Variants in ABHD17C observed in about 807,000 individuals in gnomAD.
ABHD17C encodes the protein abhydrolase domain containing 17C, depalmitoylase.
In ABHD17C, 11 loss-of-function variants were observed where a neutral mutation model predicts 27.9. That is an observed-to-expected ratio of 0.39 (90% confidence interval 0.25 to 0.65). The LOEUF is 0.65. Ranked by LOEUF, ABHD17C falls within the 30% of genes least tolerant of loss-of-function variation. The pLI, the probability that ABHD17C is intolerant of heterozygous loss-of-function variation, is 0.45. For synonymous variants in ABHD17C, 233 were observed against 209.1 expected (o/e 1.11, Z -0.98); for missense variants, 280 against 470.2 (o/e 0.60, Z 3.74).
intron 1 of ABHD17C, among the ~76,000 whole-genome samples, chr15:80,746,782 C>T (rs1439601047): frequency 1.3e-5 from 2 of 152,170 alleles, no homozygotes; most frequent in African/African-American, 4.8e-5. Flanking sequence ...GGTGCCTGTT[C>T]CTTCCTTTAT....
intron 1 of ABHD17C, among the ~76,000 whole-genome samples, chr15:80,709,486 C>G (rs1894699122): frequency 8.4e-6 from 1 of 118,644 alleles, no homozygotes. Context: ...GAGACTCTGT[C>G]TCAAAAAAAA....
At chr15:80,704,915 A>C (rs985636893) in intron 1 of ABHD17C, 2 of 152,156 alleles carry the variant, frequency 1.3e-5, no homozygotes, top group Admixed American at 1.3e-4. Context: ...CAAGCCTGAA[A>C]GTGAAAGGCT....
At chr15:80,711,962 C>T (rs1359976736) in intron 1 of ABHD17C, among the ~76,000 whole-genome samples, 3 of 152,136 alleles carry the variant, frequency 2.0e-5, no homozygotes, top group Non-Finnish European at 4.4e-5. Flanking sequence ...AATGCCGTGG[C>T]CTTTCTTTGC....
intron 1 of ABHD17C, among the ~76,000 whole-genome samples, chr15:80,743,329 C>T (rs752944458): frequency 9.2e-5 from 14 of 152,176 alleles, no homozygotes; most frequent in African/African-American, 2.2e-4. Flanking sequence ...CCTCTAGATC[C>T]GCACTCACCC....
At chr15:80,722,972 T>C (rs570457697) in intron 1 of ABHD17C, among the ~76,000 whole-genome samples, 50 of 152,218 alleles carry the variant, frequency 3.3e-4, no homozygotes, top group Non-Finnish European at 5.7e-4. Context: ...AAAATAACAG[T>C]GTTTAAGCAA....
chr15:80,711,924 G>A (rs1389043723), intron 1 of ABHD17C, among the ~76,000 whole-genome samples: 1 of 152,174 alleles, frequency 6.6e-6, no homozygotes, highest in Non-Finnish European at 1.5e-5. Flanking sequence ...ATGAAAGACT[G>A]CTGCCTGTAT....
intron 1 of ABHD17C, among the ~76,000 whole-genome samples, chr15:80,712,476 C>T (rs1193151768): frequency 2.0e-5 from 3 of 152,164 alleles, no homozygotes; most frequent in South Asian, 2.1e-4. Context: ...AGCCTGCCAT[C>T]GATCCTTCAA....
At position 80,712,376 on chromosome 15, in the gene ABHD17C, AG is replaced by A. The variant is rs1400372197; in HGVS notation, c.590+16358del. Among the ~76,000 whole-genome samples the A allele has an allele frequency of 2.6e-5, 4 of 152,330 alleles. No individual in the cohort carries two copies. In the East Asian group the frequency reaches 7.7e-4, roughly 29 times the overall value. On this transcript the variant is annotated intron_variant, in intron 1 of 2. Coordinates refer to ENST00000258884, the MANE Select transcript of ABHD17C (RefSeq NM_021214.2). ...TCAGTCAGGTGGCTGGTTCAGCCCC[AG>A]CTTCCTGCTGAGGTTCCTCTCTAGG...
chr15:80,740,843 A>G (rs528116680), intron 1 of ABHD17C, among the ~76,000 whole-genome samples: 3 of 152,268 alleles, frequency 2.0e-5, no homozygotes, highest in South Asian at 2.1e-4. Flanking sequence ...TGTAAAGTGA[A>G]TATGTTTAGT....
intron 1 of ABHD17C, among the ~76,000 whole-genome samples, chr15:80,708,571 C>T (rs1329918593): frequency 1.3e-5 from 2 of 152,170 alleles, no homozygotes; most frequent in African/African-American, 4.8e-5. Flanking sequence ...CCCGCCTCAG[C>T]CTCCGAAAGT....
chr15:80,746,657 A>C (rs1307153716), intron 1 of ABHD17C, among the ~76,000 whole-genome samples: 1 of 152,216 alleles, frequency 6.6e-6, no homozygotes, highest in Non-Finnish European at 1.5e-5. Flanking sequence ...GCATTTAAAG[A>C]AGGTCATGAT....
At chr15:80,709,246 T>C (rs1426423702) in intron 1 of ABHD17C, among the ~76,000 whole-genome samples, 2 of 151,938 alleles carry the variant, frequency 1.3e-5, no homozygotes, top group Non-Finnish European at 2.9e-5. Context: ...CCCAGCACTT[T>C]GGGAGGCCGA....
intron 1 of ABHD17C, among the ~76,000 whole-genome samples, chr15:80,745,794 G>T (rs1304966798): frequency 6.6e-6 from 1 of 152,132 alleles, no homozygotes; most frequent in Admixed American, 6.6e-5. Flanking sequence ...ATAAAAATAT[G>T]AATCTTAGTG....
chr15:80,742,204 A>G (rs1895220622), intron 1 of ABHD17C, among the ~76,000 whole-genome samples: 1 of 152,174 alleles, frequency 6.6e-6, no homozygotes, highest in Non-Finnish European at 1.5e-5. Context: ...GGCCAAGTCC[A>G]TGATCTCCCA....
At position 80,754,023 on chromosome 15, in the gene ABHD17C, C is replaced by A. The variant is rs939745441; in HGVS notation, c.771-128C>A. The A allele has an allele frequency of 2.6e-5, 20 of 773,498 alleles. No individual in the cohort carries two copies. The Admixed American group carries it at 4.9e-4, about 19-fold the overall frequency. The allele number at this position is 773,498 out of a possible 1,614,324, so 47.9% of individuals were successfully genotyped here. A position where few individuals can be genotyped will look rare whatever the true frequency, so the allele number is the denominator to read the frequency against. On this transcript the variant is annotated intron_variant, in intron 2 of 2. Transcript: ENST00000258884. ...TAATTTAAAAACAAAACAAAACAAACAAAAAAAACCCACGGTGTTATTTCC... is the reference window on the plus strand; with the variant it reads ...TAATTTAAAAACAAAACAAAACAAAAAAAAAAAACCCACGGTGTTATTTCC...
intron 1 of ABHD17C, among the ~76,000 whole-genome samples, chr15:80,705,333 T>TTTGTGTGTGTGTG (rs10523879): frequency 9.4e-5 from 10 of 106,888 alleles, no homozygotes; most frequent in East Asian, 8.2e-4. Context: ...TTCCTATGAT[T>TTTGTGTGTGTGTG]TGTGTGTGTG....
At chr15:80,699,591 A>G (rs1344846482) in intron 1 of ABHD17C, among the ~76,000 whole-genome samples, 2 of 152,232 alleles carry the variant, frequency 1.3e-5, no homozygotes, top group East Asian at 1.9e-4. Flanking sequence ...GCTCCTGCGC[A>G]TGCTAGAGTG....
intron 1 of ABHD17C, among the ~76,000 whole-genome samples, chr15:80,736,529 A>T (rs901484547): frequency 3.0e-4 from 45 of 152,066 alleles, no homozygotes; most frequent in Non-Finnish European, 2.6e-4. Context: ...TCTAAAGTTT[A>T]ATTTTTATTT....
chr15:80,732,203 C>T (rs140802484), intron 1 of ABHD17C, among the ~76,000 whole-genome samples: 2 of 152,328 alleles, frequency 1.3e-5, no homozygotes, highest in Admixed American at 1.3e-4. Flanking sequence ...ACACCCAGAG[C>T]AGGGTTGGAC....
Sources: allele counts gnomAD v4.1 joint callset (sites outside exome capture counted in the v4.1 genomes callset), GRCh38; gene constraint gnomAD v4.1.1; transcripts MANE v1.5; gene names NCBI Gene and HGNC (gene_info 2026-07-23, HGNC 2026-07-21).